NHLRC2: variants seen among roughly 807,000 people sequenced by gnomAD.
NHLRC2 encodes the protein NHL repeat containing 2, also known as NHL repeat-containing protein 2.
NHLRC2 carries 33 observed loss-of-function variants against 68.1 expected under a neutral mutation model. The observed-to-expected ratio is 0.48, with a 90% CI of 0.37 to 0.65. The LOEUF is 0.65. Ranked by LOEUF, NHLRC2 falls within the 30% of genes least tolerant of loss-of-function variation. The pLI, the probability that NHLRC2 is intolerant of heterozygous loss-of-function variation, is 0.00. For synonymous variants in NHLRC2, 311 were observed against 309.6 expected (o/e 1.00, Z -0.05); for missense variants, 761 against 853.8 (o/e 0.89, Z 1.35).
chr10:113,858,810 T>C, intron 2 of NHLRC2, 130 bp downstream of exon 2: 1 of 607,480 alleles, frequency 1.6e-6, no homozygotes, highest in Admixed American at 2.8e-5. Context: ...ATCTCTTATC[T>C]ATGAATTAAA....
In NHLRC2 at chr10:113,876,997, C is replaced by T. The variant is rs370819574; in HGVS notation, c.787+21C>T. The T allele has an allele frequency of 1.0e-4, 141 of 1,362,984 alleles. 1 individual carries two copies. In the Middle Eastern group the frequency reaches 2.1e-3, roughly 20 times the overall value. The allele number at this position is 1,362,984 out of a possible 1,614,324, so 84.4% of individuals were successfully genotyped here. A position where few individuals can be genotyped will look rare whatever the true frequency, so the allele number is the denominator to read the frequency against. On this transcript the variant is annotated intron_variant, in intron 3 of 10. Coordinates refer to ENST00000369301, the MANE Select transcript of NHLRC2 (RefSeq NM_198514.4). ...TGGAGGTAAAACTTGCTTCTGATTA[C>T]GATAGATAACGTGTTTTACAGTAAA... is the stretch of plus-strand genomic sequence containing the variant.
At chr10:113,890,328 C>T (rs905442548) in intron 5 of NHLRC2, among the ~76,000 whole-genome samples, 6 of 152,136 alleles carry the variant, frequency 3.9e-5, no homozygotes, top group African/African-American at 1.4e-4. Flanking sequence ...AAAGATATTA[C>T]TCCATTGTCT....
At chr10:113,863,808 A>G (rs1304239462) in intron 2 of NHLRC2, among the ~76,000 whole-genome samples, 1 of 152,242 alleles carries the variant, frequency 6.6e-6, no homozygotes, top group Non-Finnish European at 1.5e-5. Context: ...TACAGAAATA[A>G]AAAGGATTAT....
At chr10:113,907,315 AAG>A (rs1390939869) in intron 10 of NHLRC2, among the ~76,000 whole-genome samples, 2 of 152,250 alleles carry the variant, frequency 1.3e-5, no homozygotes, top group Non-Finnish European at 1.5e-5. Context: ...GAACAAAAGA[AAG>A]AGACAGAAAA....
At chr10:113,902,382 G>A (rs1032141322) in intron 7 of NHLRC2, 89 bp from the exon 8 acceptor site, 11 of 831,882 alleles carry the variant, frequency 1.3e-5, no homozygotes, top group Non-Finnish European at 2.1e-5. Context: ...AATACCATTT[G>A]TAACTGTTTG....
In NHLRC2 at chr10:113,913,847, G is replaced by GTTTTTTTTT. The variant is rs1166883832; in HGVS notation, c.*5321_*5329dup. ...AGGTACTTTTTGTTGTTGTTGTTTT[G>GTTTTTTTTT]TTTTTTTTTTTTTTTTTTGAGATGG... is the stretch of plus-strand genomic sequence containing the variant. On this transcript the variant is annotated 3_prime_UTR_variant, in exon 11 of 11. Coordinates refer to ENST00000369301, the MANE Select transcript of NHLRC2 (RefSeq NM_198514.4). 3.3e-5 allele frequency: 4 copies of GTTTTTTTTT among 121,520 alleles called. No individual in the cohort carries two copies. The highest frequency in any genetic ancestry group is 6.2e-5 in the African/African-American group (2 of 32,394). The allele number at this position is 121,520 out of a possible 1,614,324, so 7.5% of individuals were successfully genotyped here.
intron 2 of NHLRC2, among the ~76,000 whole-genome samples, chr10:113,873,273 T>G (rs1271166048): frequency 6.6e-6 from 1 of 152,174 alleles, no homozygotes; most frequent in African/African-American, 2.4e-5. Context: ...TTCTGGTGAA[T>G]CTACTATAGG....
Position 113,854,685 on chromosome 10 carries a change from G to C in NHLRC2, c.-188G>C, listed in dbSNP as rs1845722507. ...CAGTTTAATTACGTCCCCGGGAACT[G>C]CGCCGATTTGGACTTTTGGCACTTG... is the stretch of plus-strand genomic sequence containing the variant. On this transcript the variant is annotated 5_prime_UTR_variant, in exon 1 of 11. Coordinates refer to ENST00000369301, the MANE Select transcript of NHLRC2 (RefSeq NM_198514.4). The C allele has an allele frequency of 1.8e-6, 1 of 565,200 alleles. No individual in the cohort carries two copies. Among genetic ancestry groups the C allele is most frequent in the Non-Finnish European group, 3.1e-6 (1 of 322,064 alleles). The allele number at this position is 565,200 out of a possible 1,614,324, so 35.0% of individuals were successfully genotyped here. A position where few individuals can be genotyped will look rare whatever the true frequency, so the allele number is the denominator to read the frequency against.
At chr10:113,881,518 A>T (rs563069601) in intron 4 of NHLRC2, among the ~76,000 whole-genome samples, 5 of 151,782 alleles carry the variant, frequency 3.3e-5, no homozygotes, top group African/African-American at 1.2e-4. Context: ...ACATTGTTTC[A>T]TGCAGACCCT....
chr10:113,882,017 T>C (rs1197959918), intron 4 of NHLRC2, among the ~76,000 whole-genome samples: 5 of 151,858 alleles, frequency 3.3e-5, no homozygotes, highest in Admixed American at 2.0e-4. Flanking sequence ...AGCATTTCAG[T>C]AGTTCATTCC....
chr10:113,872,466 A>G lies in NHLRC2; in HGVS notation c.332-4055A>G, dbSNP rs1201526252. 2.0e-5 allele frequency among the ~76,000 whole-genome samples: 3 copies of G among 152,150 alleles called. No homozygotes were observed. In the East Asian group the frequency reaches 5.8e-4, roughly 29 times the overall value. On this transcript the variant is annotated intron_variant, in intron 2 of 10. Coordinates refer to ENST00000369301, the MANE Select transcript of NHLRC2 (RefSeq NM_198514.4). ...GCTGAAAATGCAATTCAGAGTTAAA[A>G]TGCTGATACAAAATTGACAAAACTG...
At chr10:113,878,804 C>T (rs1016527391) in intron 3 of NHLRC2, among the ~76,000 whole-genome samples, 1 of 152,180 alleles carries the variant, frequency 6.6e-6, no homozygotes, top group African/African-American at 2.4e-5. Flanking sequence ...GCTGAGATTA[C>T]AGACGTGAGC....
chr10:113,870,722 A>G (rs1418122383), intron 2 of NHLRC2, among the ~76,000 whole-genome samples: 2 of 152,228 alleles, frequency 1.3e-5, no homozygotes, highest in Non-Finnish European at 2.9e-5. Flanking sequence ...GTTCTTCATC[A>G]GGAAAGTTGT....
At chr10:113,887,154 G>C (rs986893544) in intron 5 of NHLRC2, among the ~76,000 whole-genome samples, 2 of 152,094 alleles carry the variant, frequency 1.3e-5, no homozygotes, top group Non-Finnish European at 2.9e-5. Flanking sequence ...TTAAAGCAAT[G>C]ATGTGATATT....
In NHLRC2 at chr10:113,878,538, T is replaced by G. The variant is rs116818274; in HGVS notation, c.788-1036T>G. On this transcript the variant is annotated intron_variant, in intron 3 of 10. Coordinates refer to ENST00000369301, the MANE Select transcript of NHLRC2 (RefSeq NM_198514.4). The stretch of plus-strand genomic sequence containing the variant: ...TATTGGGCTCTTGAGTTGGTTTTCT[T>G]TTTTTTAAAGATGGAGTCTCACTCT... Among the ~76,000 whole-genome samples, 412 of 152,200 alleles carry G rather than the reference T, an allele frequency of 2.7e-3. 2 individuals carry two copies. Among genetic ancestry groups the G allele is most frequent in the African/African-American group, 9.7e-3 (401 of 41,522 alleles).
Position 113,876,968 on chromosome 10 carries a change from G to A in NHLRC2, c.779G>A (p.Ser260Asn), listed in dbSNP as rs758405749. 7.6e-6 allele frequency: 12 copies of A among 1,569,186 alleles called. 1 individual carries two copies. In the South Asian group the frequency reaches 1.2e-4, roughly 16 times the overall value. ...VVWKNGQIQY[S>N]IGGPNPGRKD... ...TGGAAGAATGGACAAATTCAATATA[G>A]CATTGGAGGTAAAACTTGCTTCTGA... The change falls in exon 3 of 11, where the codon AGC (serine) becomes AAC (asparagine). Residue 260 changes from serine to asparagine, a missense_variant. By Grantham distance (46) the Ser-to-Asn change is conservative. Coordinates refer to ENST00000369301, the MANE Select transcript of NHLRC2 (RefSeq NM_198514.4).
At chr10:113,873,542 C>G (rs936228150) in intron 2 of NHLRC2, among the ~76,000 whole-genome samples, 2 of 152,120 alleles carry the variant, frequency 1.3e-5, no homozygotes, top group Non-Finnish European at 2.9e-5. Flanking sequence ...TGCAACCTAC[C>G]TAAGTTTACT....
chr10:113,866,984 AT>A (rs1429262025), intron 2 of NHLRC2, among the ~76,000 whole-genome samples: 4 of 152,130 alleles, frequency 2.6e-5, no homozygotes, highest in African/African-American at 9.7e-5. Flanking sequence ...GTGACAGCAC[AT>A]TTGGGATGTT....
intron 10 of NHLRC2, among the ~76,000 whole-genome samples, chr10:113,907,907 G>C (rs745395058): frequency 3.9e-5 from 6 of 152,038 alleles, no homozygotes; most frequent in African/African-American, 1.2e-4. Context: ...TGGTAAAAAT[G>C]ATCCATTTTC....
Sources: allele counts gnomAD v4.1 joint callset (sites outside exome capture counted in the v4.1 genomes callset), GRCh38; gene constraint gnomAD v4.1.1; transcripts MANE v1.5; gene names NCBI Gene and HGNC (gene_info 2026-07-23, HGNC 2026-07-21).